Variants in ARHGAP32 observed in about 807,000 individuals in gnomAD.
ARHGAP32 encodes Rho GTPase activating protein 32, also known as rho GTPase-activating protein 32.
Under a neutral mutation model 186.5 loss-of-function variants are expected in ARHGAP32, and 51 were observed. That is an observed-to-expected ratio of 0.27 (90% CI 0.22 to 0.35). The LOEUF is 0.35. Ranked by LOEUF, ARHGAP32 falls within the 10% of genes least tolerant of loss-of-function variation. The pLI is 1.00. For synonymous variants in ARHGAP32, 950 were observed against 964.3 expected, an observed-to-expected ratio of 0.99 and a Z score of 0.27; for missense variants, 2,186 against 2,623.5, an observed-to-expected ratio of 0.83 and a Z score of 3.64.
At chr11:128,989,400 G>GT in intron 12 of ARHGAP32, among the ~76,000 whole-genome samples, 1 of 152,104 alleles carries the variant, frequency 6.6e-6, no homozygotes, top group South Asian at 2.1e-4. Context: ...AGAAGAAATT[G>GT]TATCTTAGAG....
intron 1 of ARHGAP32, among the ~76,000 whole-genome samples, chr11:129,269,409 C>T (rs1020024216): frequency 4.6e-5 from 7 of 151,970 alleles, no homozygotes; most frequent in East Asian, 1.9e-4. Flanking sequence ...TGGGAGAGGA[C>T]GAAGGCAGCC....
At chr11:128,987,829 A>G (rs537467172) in intron 13 of ARHGAP32, among the ~76,000 whole-genome samples, 194 bp downstream of exon 13, 1 of 152,220 alleles carries the variant, frequency 6.6e-6, no homozygotes, top group Non-Finnish European at 1.5e-5. Context: ...ATTAAGGTGC[A>G]TGGTTCTCTG....
At chr11:129,081,263 G>C (rs1384865151) in intron 6 of ARHGAP32, among the ~76,000 whole-genome samples, 1 of 151,950 alleles carries the variant, frequency 6.6e-6, no homozygotes, top group Admixed American at 6.6e-5. Flanking sequence ...ATCATTCTAT[G>C]AGGCCAGTAT....
intron 1 of ARHGAP32, among the ~76,000 whole-genome samples, chr11:129,278,662 G>T (rs1249084373): frequency 6.6e-6 from 1 of 152,032 alleles, no homozygotes; most frequent in East Asian, 1.9e-4. Flanking sequence ...GGAACTCCAC[G>T]GGAGCCTAAG....
At position 129,107,868 on chromosome 11, in the gene ARHGAP32, CA is replaced by C. The variant is rs71057924; in HGVS notation, c.445-14162del. Among the ~76,000 whole-genome samples, 885 of 93,286 alleles carry C rather than the reference CA, an allele frequency of 9.5e-3. 4 individuals are homozygous for C. The highest frequency in any genetic ancestry group is 0.041 in the South Asian group (104 of 2,546). The allele number at this position is 93,286 out of a possible 152,430, so 61.2% of individuals were successfully genotyped here. ...GGGCAACAAGGGCAAAACTATGTTTCAAAAAAAAAAAAAAAAAAAAAAAGTA... is the reference window on the plus strand; with the variant it reads ...GGGCAACAAGGGCAAAACTATGTTTCAAAAAAAAAAAAAAAAAAAAAAGTA... On this transcript the variant is annotated intron_variant, in intron 5 of 22. Transcript: ENST00000682385.
chr11:129,166,964 T>C (rs962703230), intron 1 of ARHGAP32, among the ~76,000 whole-genome samples: 7 of 152,150 alleles, frequency 4.6e-5, no homozygotes, highest in Non-Finnish European at 8.8e-5. Context: ...TGAGAAAAGC[T>C]CTATTTTATG....
chr11:128,987,316 T>G (rs561544534), intron 13 of ARHGAP32, among the ~76,000 whole-genome samples: 1 of 152,208 alleles, frequency 6.6e-6, no homozygotes, highest in Non-Finnish European at 1.5e-5. Flanking sequence ...TTAATGTGTG[T>G]GTACAATATG....
chr11:129,228,987 G>T (rs372540884), intron 1 of ARHGAP32, among the ~76,000 whole-genome samples: 4 of 152,222 alleles, frequency 2.6e-5, no homozygotes, highest in African/African-American at 7.2e-5. Context: ...TTCACATAAG[G>T]TTGTGAGTTA....
chr11:129,178,465 A>T (rs1047460707), intron 1 of ARHGAP32, among the ~76,000 whole-genome samples: 4 of 152,160 alleles, frequency 2.6e-5, no homozygotes, highest in African/African-American at 9.7e-5. Flanking sequence ...ATGGAACCAA[A>T]AAAGAGCCCA....
intron 11 of ARHGAP32, among the ~76,000 whole-genome samples, chr11:129,028,151 CAACA>C (rs1342323183): frequency 6.6e-6 from 1 of 152,158 alleles, no homozygotes; most frequent in Non-Finnish European, 1.5e-5. Flanking sequence ...CAACATCTGC[CAACA>C]AACAAAACCA....
At position 129,058,244 on chromosome 11, in the gene ARHGAP32, A is replaced by C. The variant is rs534748267; in HGVS notation, c.963+4036T>G. Among the ~76,000 whole-genome samples, 206 of 150,048 alleles carry C rather than the reference A, an allele frequency of 1.4e-3. 2 individuals carry two copies. The South Asian group carries it at 0.02, about 15-fold the overall frequency. ...ACACTCTCTCTCTCTCTCTCTATAT[A>C]TATATATATCTCATATACAATCATA... On this transcript the variant is annotated intron_variant, in intron 10 of 22. Transcript: ENST00000682385.
rs571120811 is a variant in ARHGAP32, at chr11:129,174,025, G to A, written c.117-9598C>T. Among the ~76,000 whole-genome samples, 48 of 152,348 alleles carry A rather than the reference G, an allele frequency of 3.2e-4. No homozygotes were observed. The South Asian group carries it at 6.4e-3, about 20-fold the overall frequency. On this transcript the variant is annotated intron_variant, in intron 1 of 22. Transcript: ENST00000682385. ...GGGTGATTTCTGCATTTCCATCTGA[G>A]GTACCAGGTTCATCTCACTAGGGAG...
At chr11:129,058,966 C>T (rs1003038576) in intron 10 of ARHGAP32, among the ~76,000 whole-genome samples, 2 of 152,214 alleles carry the variant, frequency 1.3e-5, no homozygotes, top group African/African-American at 2.4e-5. Flanking sequence ...ATTGATTAAT[C>T]ATCACACAAA....
chr11:129,025,862 ATTAT>A (rs1295291997), intron 11 of ARHGAP32, among the ~76,000 whole-genome samples: 2 of 148,710 alleles, frequency 1.3e-5, no homozygotes, highest in Non-Finnish European at 3.0e-5. Context: ...TATATAACAT[ATTAT>A]TTAAGTAATA....
At chr11:129,082,704 C>G (rs1478196196) in intron 6 of ARHGAP32, among the ~76,000 whole-genome samples, 1 of 152,024 alleles carries the variant, frequency 6.6e-6, no homozygotes, top group East Asian at 1.9e-4. Context: ...GACTTCATAA[C>G]CGAGAAGCCA....
intron 11 of ARHGAP32, among the ~76,000 whole-genome samples, chr11:129,031,530 G>T (rs1939113574): frequency 6.6e-6 from 1 of 152,150 alleles, no homozygotes; most frequent in African/African-American, 2.4e-5. Flanking sequence ...CATTTTATGG[G>T]GTAGATGCAT....
rs1940700698 is a variant in ARHGAP32, at chr11:129,066,655, G to A, written c.669+76C>T. On this transcript the variant is annotated intron_variant, in intron 7 of 22. Transcript: ENST00000682385. ...CCCTGCGTGTTCAGTATAAGCTTTT[G>A]TTTAGTATACAGACAAAAACTTCTG... 2.8e-6 allele frequency: 4 copies of A among 1,427,016 alleles called. No homozygotes were observed. The South Asian group carries it at 4.7e-5, about 17-fold the overall frequency. 88.4% of individuals were successfully genotyped at this position (1,427,016 alleles called of 1,614,324 possible).
chr11:128,976,791 C>T (rs1003747372), intron 19 of ARHGAP32, among the ~76,000 whole-genome samples, 157 bp from the exon 20 acceptor site: 2 of 152,076 alleles, frequency 1.3e-5, no homozygotes, highest in African/African-American at 2.4e-5. Context: ...TGTTATACTG[C>T]ACATTTTGAC....
intron 1 of ARHGAP32, among the ~76,000 whole-genome samples, chr11:129,178,190 C>T (rs1943963758): frequency 6.6e-6 from 1 of 151,964 alleles, no homozygotes; most frequent in African/African-American, 2.4e-5. Context: ...CTCACATTCA[C>T]AATTGCTTCA....
Sources: allele counts gnomAD v4.1 joint callset (sites outside exome capture counted in the v4.1 genomes callset), GRCh38; gene constraint gnomAD v4.1.1; transcripts MANE v1.5; gene names NCBI Gene and HGNC (gene_info 2026-07-23, HGNC 2026-07-21).